The following MSI2 variants were observed in gnomAD, a reference collection of about 807,000 sequenced individuals.
MSI2 encodes the protein RNA-binding protein Musashi homolog 2.
MSI2 carries 17 observed loss-of-function variants against 45.6 expected under a neutral mutation model. The observed-to-expected ratio is 0.37, with a 90% CI of 0.26 to 0.56. The LOEUF is 0.56. Among genes scored for constraint, MSI2 ranks in the 20% least tolerant of loss-of-function variants. The pLI, the probability that MSI2 is intolerant of heterozygous loss-of-function variation, is 0.77. For synonymous variants in MSI2, 156 were observed against 158.2 expected (o/e 0.99, Z 0.11); for missense variants, 293 against 444.2 (o/e 0.66, Z 3.06).
chr17:57,518,957 C>T (rs78475786), intron 6 of MSI2, among the ~76,000 whole-genome samples: 534 of 152,332 alleles, frequency 3.5e-3, no homozygotes, highest in Non-Finnish European at 6.2e-3. Context: ...CTCCCCTTCC[C>T]TCATCGCCTC....
In MSI2 at chr17:57,334,948, CT is replaced by C. The variant is rs199679226; in HGVS notation, c.313-66419del. Reference sequence around the variant, plus strand: ...AAAGCAGAAAGACTTGAGCAAGTAGCTTTTTTTTTTTTAACCGTGCCCTGTA... The same window carrying C: ...AAAGCAGAAAGACTTGAGCAAGTAGCTTTTTTTTTTTAACCGTGCCCTGTA... On this transcript the variant is annotated intron_variant, in intron 5 of 13. Transcript: ENST00000284073. Among the ~76,000 whole-genome samples the C allele has an allele frequency of 4.2e-3, 598 of 143,780 alleles. 3 individuals carry two copies. The highest frequency in any genetic ancestry group is 7.4e-3 in the Middle Eastern group (2 of 272). The allele number at this position is 143,780 out of a possible 152,430, so 94.3% of individuals were successfully genotyped here. A position where few individuals can be genotyped will look rare whatever the true frequency, so the allele number is the denominator to read the frequency against.
intron 7 of MSI2, among the ~76,000 whole-genome samples, chr17:57,582,414 T>G (rs1390928060): frequency 1.3e-5 from 2 of 152,264 alleles, no homozygotes; most frequent in Admixed American, 1.3e-4. Flanking sequence ...AAGAATTTTA[T>G]TTATTAATAA....
In MSI2 at chr17:57,454,194, G is replaced by A. The variant is rs962914774; in HGVS notation, c.405+52723G>A. ...TTATTGAAATGATGGAGCTCGGGGC[G>A]GAGTGATGATTAATAGTGCCTTTGG... On this transcript the variant is annotated intron_variant, in intron 6 of 13. Coordinates refer to ENST00000284073, the MANE Select transcript of MSI2 (RefSeq NM_138962.4). Among the ~76,000 whole-genome samples, 8 of 152,290 alleles carry A rather than the reference G, an allele frequency of 5.3e-5. No homozygotes were observed. The East Asian group carries it at 9.6e-4, about 18-fold the overall frequency.
intron 7 of MSI2, among the ~76,000 whole-genome samples, chr17:57,545,366 A>G (rs759502779): frequency 1.6e-4 from 25 of 152,186 alleles, no homozygotes; most frequent in Non-Finnish European, 2.5e-4. Flanking sequence ...AGACAGATGG[A>G]TAGCAGTGAA....
intron 5 of MSI2, among the ~76,000 whole-genome samples, chr17:57,310,581 G>A (rs1019100775): frequency 6.6e-6 from 1 of 152,260 alleles, no homozygotes; most frequent in African/African-American, 2.4e-5. Context: ...TGATCCACCC[G>A]CCTCGGCCTC....
rs541787255 is a variant in MSI2, at chr17:57,675,003, G to C, written c.822G>C (p.Pro274=). 37 of 1,613,438 alleles carry C rather than the reference G, an allele frequency of 2.3e-5. No individual in the cohort carries two copies. The highest frequency in any genetic ancestry group is 1.4e-4 in the South Asian group (13 of 91,052). The change falls in exon 12 of 14, where the codon CCG becomes CCC. Residue 274 remains proline, a synonymous_variant. Transcript: ENST00000284073. ...ACCCGGCGCGGCCCGGAGGCTTCCC[G>C]GGGGCCAACAGCCCAGGACCTGTCG... is the stretch of plus-strand genomic sequence containing the variant. The part of the protein sequence containing the change: ...GSNPARPGGF[P]GANSPGPVAD...
At chr17:57,441,865 T>C (rs1239116156) in intron 6 of MSI2, among the ~76,000 whole-genome samples, 1 of 151,880 alleles carries the variant, frequency 6.6e-6, no homozygotes, top group Non-Finnish European at 1.5e-5. Context: ...CCTGCAGGGG[T>C]TTCTTTCATT....
At chr17:57,602,106 C>T (rs1340355234) in intron 8 of MSI2, 2 of 152,194 alleles carry the variant, frequency 1.3e-5, no homozygotes, top group African/African-American at 2.4e-5. Flanking sequence ...TTTAAATCAA[C>T]TTTGTCCAAC....
chr17:57,338,831 G>T (rs1289292384), intron 5 of MSI2, among the ~76,000 whole-genome samples: 1 of 152,146 alleles, frequency 6.6e-6, no homozygotes, highest in Non-Finnish European at 1.5e-5. Flanking sequence ...CACCTACAGG[G>T]GCTGCCGAGA....
At chr17:57,339,190 C>T (rs550388263) in intron 5 of MSI2, among the ~76,000 whole-genome samples, 2 of 152,302 alleles carry the variant, frequency 1.3e-5, no homozygotes, top group Admixed American at 1.3e-4. Context: ...GAAAGGCAAG[C>T]AGCCCGCGAG....
In MSI2 at chr17:57,256,592, C is replaced by G. The variant is rs1159299307; in HGVS notation, c.-151C>G. The stretch of plus-strand genomic sequence containing the variant: ...GCTCTCGCCGCTGCCCCGGCTCCGC[C>G]GCTCGCAGAGAGATTCGGAGGAGCC... On this transcript the variant is annotated 5_prime_UTR_variant, in exon 1 of 14. Coordinates refer to ENST00000284073, the MANE Select transcript of MSI2 (RefSeq NM_138962.4). The G allele has an allele frequency of 2.5e-6, 1 of 393,088 alleles. No homozygotes were observed. The highest frequency in any genetic ancestry group is 4.3e-6 in the Non-Finnish European group (1 of 233,858). 24.4% of individuals were successfully genotyped at this position (393,088 alleles called of 1,614,324 possible). A position where few individuals can be genotyped will look rare whatever the true frequency, so the allele number is the denominator to read the frequency against.
intron 6 of MSI2, among the ~76,000 whole-genome samples, chr17:57,458,174 C>T (rs1222965703): frequency 2.0e-5 from 3 of 148,574 alleles, no homozygotes; most frequent in African/African-American, 7.5e-5. Flanking sequence ...GATCTTGGCT[C>T]ATTGCAAGCT....
intron 7 of MSI2, among the ~76,000 whole-genome samples, chr17:57,590,911 C>G (rs1904770662): frequency 6.6e-6 from 1 of 152,124 alleles, no homozygotes; most frequent in South Asian, 2.1e-4. Flanking sequence ...GTTTAAATAC[C>G]CAGGGAGGAG....
intron 5 of MSI2, among the ~76,000 whole-genome samples, chr17:57,287,085 T>G (rs1400751565): frequency 6.6e-6 from 1 of 151,926 alleles, no homozygotes; most frequent in Non-Finnish European, 1.5e-5. Context: ...TTGCTCCATA[T>G]TTATCATCTC....
chr17:57,426,194 T>A (rs926631676), intron 6 of MSI2, among the ~76,000 whole-genome samples: 4 of 152,202 alleles, frequency 2.6e-5, no homozygotes, highest in African/African-American at 9.7e-5. Flanking sequence ...TGGATGTGTT[T>A]AGTCGTGATT....
chr17:57,419,947 G>A (rs1408019425), intron 6 of MSI2, among the ~76,000 whole-genome samples: 2 of 152,204 alleles, frequency 1.3e-5, no homozygotes, highest in Non-Finnish European at 2.9e-5. Context: ...GTCAGTAATC[G>A]TAGTAAGAAT....
chr17:57,290,974 C>T (rs181929593), intron 5 of MSI2, among the ~76,000 whole-genome samples: 11 of 152,312 alleles, frequency 7.2e-5, no homozygotes, highest in Admixed American at 3.3e-4. Flanking sequence ...TAAACCTCTG[C>T]GAGATGCCCC....
intron 5 of MSI2, among the ~76,000 whole-genome samples, chr17:57,378,024 G>A (rs1469090682): frequency 1.3e-5 from 2 of 150,494 alleles, no homozygotes; most frequent in East Asian, 2.0e-4. Context: ...GCAGTGAACC[G>A]AGATTGCACC....
At chr17:57,564,808 A>G (rs765116195) in intron 7 of MSI2, among the ~76,000 whole-genome samples, 3 of 152,206 alleles carry the variant, frequency 2.0e-5, no homozygotes, top group Non-Finnish European at 4.4e-5. Flanking sequence ...TGAGTAATGC[A>G]GTTATGAACC....
Sources: gnomAD v4.1 joint callset for allele counts (sites outside exome capture counted in the v4.1 genomes callset) on GRCh38, gnomAD v4.1.1 for gene constraint, MANE v1.5 for transcripts, NCBI Gene and HGNC (gene_info 2026-07-23, HGNC 2026-07-21) for gene names.